The following FBXO31 variants were observed in gnomAD, a reference collection of about 807,000 sequenced individuals.
FBXO31 encodes the protein F-box only protein 31.
Under a neutral mutation model 54.4 loss-of-function variants are expected in FBXO31, and 24 were observed. That is an observed-to-expected ratio of 0.44 (90% CI 0.32 to 0.62). The LOEUF is 0.62. Ranked by LOEUF, FBXO31 falls within the 20% of genes least tolerant of loss-of-function variation. FBXO31 has a pLI of 0.05. For synonymous variants in FBXO31, 388 were observed against 335.6 expected (o/e 1.16, Z -1.71); for missense variants, 665 against 787.1 (o/e 0.84, Z 1.86).
Position 87,335,170 on chromosome 16 carries a change from CG to C in FBXO31, c.996+133del. ...CCGAGAATCTGCTTTCCCAAGCTCCCGGGGCTGCAGGTGCAAGCCCACTCTG... is the reference window on the plus strand; with the variant it reads ...CCGAGAATCTGCTTTCCCAAGCTCCCGGGCTGCAGGTGCAAGCCCACTCTG... On this transcript the variant is annotated intron_variant, in intron 7 of 8. Coordinates refer to ENST00000311635, the MANE Select transcript of FBXO31 (RefSeq NM_024735.5). This position sits in a 1 kb window ranked among gnomAD's most constrained non-coding sequence, Gnocchi z 5.7. 2 of 1,280,970 alleles carry C rather than the reference CG, an allele frequency of 1.6e-6. No individual in the cohort carries two copies. The highest frequency in any genetic ancestry group is 2.6e-5 in the South Asian group (2 of 78,184). 79.4% of individuals were successfully genotyped at this position (1,280,970 alleles called of 1,614,324 possible).
In FBXO31 at chr16:87,333,960, C is replaced by T; in HGVS notation, c.1323G>A (p.Gly441=). Residue 441 remains glycine, a synonymous_variant, in exon 8 of 9, where the codon GGG becomes GGA. Coordinates refer to ENST00000311635, the MANE Select transcript of FBXO31 (RefSeq NM_024735.5). ...CGGGCAGCACGAACGGCTGCCCCTG[C>T]CCACACTGGGCAGGCTGCTCGGCCG... ...VAAAEQPAQC[G]QGQPFVLPVG... 2 of 1,612,698 alleles carry T rather than the reference C, an allele frequency of 1.2e-6. No individual in the cohort carries two copies. The highest frequency in any genetic ancestry group is 1.7e-6 in the Non-Finnish European group (2 of 1,179,756).
Position 87,345,818 on chromosome 16 carries a change from G to C in FBXO31, c.489+1356C>G, listed in dbSNP as rs72806209. 4.1e-3 allele frequency among the ~76,000 whole-genome samples: 626 copies of C among 152,326 alleles called. 5 individuals carry two copies. The highest frequency in any genetic ancestry group is 6.8e-3 in the Middle Eastern group (2 of 294). ...TTCCTGAGGCCACTGACCACTGGCT[G>C]GGGAGGAAGGCCCATGTCTGGCACC... On this transcript the variant is annotated intron_variant, in intron 3 of 8. Transcript: ENST00000311635. The surrounding 1 kb of genome is among the most constrained non-coding windows in gnomAD (Gnocchi z 4.9).
At chr16:87,353,319 G>C (rs1403265073) in intron 2 of FBXO31, among the ~76,000 whole-genome samples, 1 of 152,186 alleles carries the variant, frequency 6.6e-6, no homozygotes, top group Non-Finnish European at 1.5e-5. Flanking sequence ...CTTGCCTCAG[G>C]ACCCGCACCT....
At chr16:87,365,469 T>G (rs573733500) in intron 1 of FBXO31, among the ~76,000 whole-genome samples, 5 of 152,336 alleles carry the variant, frequency 3.3e-5, no homozygotes, top group African/African-American at 1.2e-4. Context: ...AGGTGAGACT[T>G]CAGCAGAGCC....
intron 5 of FBXO31, 78 bp downstream of exon 5, chr16:87,342,799 C>T: frequency 2.3e-6 from 3 of 1,280,964 alleles, no homozygotes; most frequent in Non-Finnish European, 3.2e-6. Context: ...GACTTCTCTC[C>T]CGCATGGGTC....
chr16:87,335,262 G>T lies in FBXO31; in HGVS notation c.996+42C>A. ...CTGACTCCACAGCCCACTTGGGCCAGGTGCCCCCAGAGCCCCACCAACCAG... is the reference window on the plus strand; with the variant it reads ...CTGACTCCACAGCCCACTTGGGCCATGTGCCCCCAGAGCCCCACCAACCAG... On this transcript the variant is annotated intron_variant, in intron 7 of 8. Transcript: ENST00000311635. The surrounding 1 kb of genome is among the most constrained non-coding windows in gnomAD (Gnocchi z 5.7). 1.2e-6 allele frequency: 2 copies of T among 1,608,692 alleles called. No individual in the cohort carries two copies. Among genetic ancestry groups the T allele is most frequent in the Non-Finnish European group, 1.7e-6 (2 of 1,179,776 alleles).
intron 5 of FBXO31, among the ~76,000 whole-genome samples, chr16:87,340,423 G>A (rs1905156086): frequency 6.6e-6 from 1 of 152,236 alleles, no homozygotes; most frequent in Non-Finnish European, 1.5e-5. Context: ...ACAAATTGAT[G>A]TAGGAAGTGT....
At chr16:87,364,242 C>T (rs970143736) in intron 1 of FBXO31, among the ~76,000 whole-genome samples, 8 of 152,202 alleles carry the variant, frequency 5.3e-5, no homozygotes, top group East Asian at 3.9e-4. Flanking sequence ...GACGCCTCAC[C>T]GCACAGGAGG....
At chr16:87,340,058 G>A (rs34383081) in intron 5 of FBXO31, among the ~76,000 whole-genome samples, 1,898 of 152,208 alleles carry the variant, frequency 0.012, 16 homozygotes, top group Non-Finnish European at 0.019. Flanking sequence ...CGAGGTGGGC[G>A]GATCACCTGA....
In FBXO31 at chr16:87,329,364, G is replaced by A. The variant is rs1289644153; in HGVS notation, c.*1924C>T. 1 of 152,290 alleles carries A rather than the reference G, an allele frequency of 6.6e-6. No homozygotes were observed. The highest frequency in any genetic ancestry group is 2.4e-5 in the African/African-American group (1 of 41,468). The allele number at this position is 152,290 out of a possible 1,614,324, so 9.4% of individuals were successfully genotyped here. ...AGATCTGAGATTCCTTTAATCAGAA[G>A]CACGTGCGTCCCACAGTGTGCTCTT... is the stretch of plus-strand genomic sequence containing the variant. On this transcript the variant is annotated 3_prime_UTR_variant, in exon 9 of 9. Transcript: ENST00000311635.
Position 87,383,727 on chromosome 16 carries a change from G to T in FBXO31, c.18C>A (p.Arg6=). Residue 6 remains arginine, a synonymous_variant, in exon 1 of 9, where the codon CGC becomes CGA. Transcript: ENST00000311635. This position sits in a 1 kb window ranked among gnomAD's most constrained non-coding sequence, Gnocchi z 4.9. ...CGCGCGACGGGCCCACGCCGCAAAG[G>T]CGAGCACACACCGCCATGCCGCCCA... MAVCA[R]LCGVGPSRGC... is the part of the protein sequence containing the mutation. 2 of 1,233,448 alleles carry T rather than the reference G, an allele frequency of 1.6e-6. No individual in the cohort carries two copies. The highest frequency in any genetic ancestry group is 3.3e-5 in the South Asian group (1 of 30,260). The allele number at this position is 1,233,448 out of a possible 1,614,324, so 76.4% of individuals were successfully genotyped here. A position where few individuals can be genotyped will look rare whatever the true frequency, so the allele number is the denominator to read the frequency against.
intron 5 of FBXO31, among the ~76,000 whole-genome samples, chr16:87,341,566 G>T (rs570420096): frequency 7.0e-6 from 1 of 142,474 alleles, no homozygotes; most frequent in African/African-American, 2.6e-5. Context: ...TGAGGCAGTA[G>T]AACTGCCTGA....
intron 1 of FBXO31, among the ~76,000 whole-genome samples, chr16:87,373,547 T>TA (rs1023549308): frequency 1.3e-5 from 2 of 151,848 alleles, no homozygotes; most frequent in Admixed American, 6.6e-5. Flanking sequence ...TCTTTTTTTT[T>TA]TTGACAGGGT....
At chr16:87,349,949 TAC>T (rs1204950657) in intron 2 of FBXO31, among the ~76,000 whole-genome samples, 2 of 150,898 alleles carry the variant, frequency 1.3e-5, no homozygotes, top group Admixed American at 1.3e-4. Context: ...AAGCAGCACA[TAC>T]ACAGTCACTG....
upstream of FBXO31, among the ~76,000 whole-genome samples, chr16:87,386,692 C>T (rs1907338393): frequency 6.6e-6 from 1 of 152,158 alleles, no homozygotes; most frequent in South Asian, 2.1e-4. Context: ...CCTCGGCATC[C>T]CAAAGTGCTA....
chr16:87,342,825 G>C, intron 5 of FBXO31, 52 bp downstream of exon 5: 1 of 1,494,780 alleles, frequency 6.7e-7, no homozygotes, highest in Non-Finnish European at 9.1e-7. Flanking sequence ...TTTCCCCGTG[G>C]GGAAAGGAAA....
chr16:87,331,715 C>T (rs535538710), intron 8 of FBXO31, among the ~76,000 whole-genome samples: 3 of 152,340 alleles, frequency 2.0e-5, no homozygotes, highest in South Asian at 4.1e-4. Context: ...TAGCTAAGGG[C>T]GCAGGCCGAG....
At position 87,383,662 on chromosome 16, in the gene FBXO31, G is replaced by C; in HGVS notation, c.83C>G (p.Thr28Arg). 1 of 1,323,374 alleles carries C rather than the reference G, an allele frequency of 7.6e-7. No individual in the cohort carries two copies. The highest frequency in any genetic ancestry group is 9.6e-7 in the Non-Finnish European group (1 of 1,041,658). The allele number at this position is 1,323,374 out of a possible 1,614,324, so 82.0% of individuals were successfully genotyped here. Residue 28 changes from threonine to arginine, a missense_variant, in exon 1 of 9, where the codon ACG becomes AGG. Physicochemically the swap from Thr to Arg is moderately conservative, Grantham distance 71 (BLOSUM62 -1). Transcript: ENST00000311635. This position sits in a 1 kb window ranked among gnomAD's most constrained non-coding sequence, Gnocchi z 4.9. Reference sequence around the variant, plus strand: ...GTCCGGCTCGCTGTCGGCCGCCGCCGTCTCGGCCGGGCCCCGGCGCTGCTG... The same window carrying C: ...GTCCGGCTCGCTGTCGGCCGCCGCCCTCTCGGCCGGGCCCCGGCGCTGCTG... ...RRQQRRGPAE[T>R]AAADSEPDTD...
intron 1 of FBXO31, chr16:87,367,510 G>C (rs1211710881): frequency 6.6e-6 from 1 of 152,210 alleles, no homozygotes; most frequent in African/African-American, 2.4e-5. Flanking sequence ...TATTTCCTCT[G>C]ACTCTCCATA....
Sources: allele counts gnomAD v4.1 joint callset (sites outside exome capture counted in the v4.1 genomes callset), GRCh38; gene constraint gnomAD v4.1.1; non-coding constraint Gnocchi (gnomAD v3.1); transcripts MANE v1.5; gene names NCBI Gene and HGNC (gene_info 2026-07-23, HGNC 2026-07-21).